TASP1: variants seen among roughly 807,000 people sequenced by gnomAD.
The protein encoded by TASP1 is threonine aspartase 1.
Under a neutral mutation model 56.6 loss-of-function variants are expected in TASP1, and 16 were observed. The ratio of observed to expected loss-of-function variants is 0.28; its 90% CI spans 0.19 to 0.43. The LOEUF (loss-of-function observed/expected upper bound fraction) is 0.43. TASP1 is among the 20% of genes least tolerant of loss of function. TASP1 has a pLI of 1.00. For synonymous variants in TASP1, 179 were observed against 184.2 expected, an observed-to-expected ratio of 0.97 and a Z score of 0.23; for missense variants, 393 against 511.6, an observed-to-expected ratio of 0.77 and a Z score of 2.24.
At chr20:13,295,505 C>G in the TASP1 span, among the ~76,000 whole-genome samples, 1 of 152,186 alleles carries the variant, frequency 6.6e-6, no homozygotes, top group African/African-American at 2.4e-5. Context: ...ACAATGAATG[C>G]TACCTGGAGA....
chr20:13,232,774 C>A, the TASP1 span, among the ~76,000 whole-genome samples: 1 of 152,172 alleles, frequency 6.6e-6, no homozygotes, highest in African/African-American at 2.4e-5. Context: ...TGGAAAACTT[C>A]ACAGCATTTG....
intron 11 of TASP1, among the ~76,000 whole-genome samples, chr20:13,465,776 T>A (rs1347163568): frequency 2.4e-5 from 3 of 123,678 alleles, no homozygotes; most frequent in Admixed American, 1.2e-4. Context: ...ATAACATTTT[T>A]GAAATGACAA....
chr20:13,264,576 C>T, the TASP1 span, among the ~76,000 whole-genome samples: 1 of 152,182 alleles, frequency 6.6e-6, no homozygotes, highest in Non-Finnish European at 1.5e-5. Flanking sequence ...ATTCATCTGC[C>T]TGTGTCAAAT....
the TASP1 span, among the ~76,000 whole-genome samples, chr20:13,118,287 CA>C: frequency 2.0e-5 from 3 of 151,066 alleles, no homozygotes; most frequent in Admixed American, 6.6e-5. Flanking sequence ...ATATTCTCTG[CA>C]AAAAAAATTC....
At chr20:13,584,532 TAAAAAG>T (rs5840570) in intron 5 of TASP1, among the ~76,000 whole-genome samples, 66,374 of 151,290 alleles carry the variant, frequency 0.44, 14,895 homozygotes, top group South Asian at 0.55. Flanking sequence ...TAAAACTAAT[TAAAAAG>T]AAAGGATATA....
chr20:13,549,906 T>G (rs2045922634), intron 8 of TASP1, among the ~76,000 whole-genome samples: 1 of 152,138 alleles, frequency 6.6e-6, no homozygotes, highest in Admixed American at 6.6e-5. Flanking sequence ...TGTCAACTTA[T>G]AACAAATATT....
intron 9 of TASP1, 131 bp downstream of exon 9, chr20:13,533,891 T>C (rs1324532474): frequency 3.7e-6 from 4 of 1,074,516 alleles, no homozygotes; most frequent in Non-Finnish European, 5.4e-6. Flanking sequence ...TGATGATTTA[T>C]ACTACATGTT....
chr20:13,492,755 C>T (rs2043581627), intron 10 of TASP1, among the ~76,000 whole-genome samples: 1 of 152,242 alleles, frequency 6.6e-6, no homozygotes, highest in African/African-American at 2.4e-5. Context: ...GTATCAAAAA[C>T]AACTCAGGCT....
intron 1 of TASP1, among the ~76,000 whole-genome samples, chr20:13,633,539 G>C (rs960846744): frequency 6.6e-6 from 1 of 152,134 alleles, no homozygotes; most frequent in African/African-American, 2.4e-5. Flanking sequence ...GGATGCATAA[G>C]CTACAGGGAA....
At chr20:13,612,665 T>A (rs182506651) in intron 4 of TASP1, among the ~76,000 whole-genome samples, 1 of 152,110 alleles carries the variant, frequency 6.6e-6, no homozygotes, top group African/African-American at 2.4e-5. Context: ...AGCCCCCACA[T>A]AGGGAAAAGT....
At chr20:13,538,456 A>G (rs933673891) in intron 8 of TASP1, among the ~76,000 whole-genome samples, 5 of 152,250 alleles carry the variant, frequency 3.3e-5, no homozygotes, top group African/African-American at 1.2e-4. Context: ...AATGATAAAG[A>G]CACAAATGCA....
chr20:13,319,161 G>A, the TASP1 span, among the ~76,000 whole-genome samples: 10 of 151,764 alleles, frequency 6.6e-5, no homozygotes, highest in South Asian at 1.0e-3. Context: ...GTTCAATTTC[G>A]TTATGAAACT....
the TASP1 span, among the ~76,000 whole-genome samples, chr20:13,369,788 A>G: frequency 1.3e-5 from 2 of 152,256 alleles, no homozygotes; most frequent in Non-Finnish European, 2.9e-5. Flanking sequence ...GATCAAGTCA[A>G]CTAATGAAAT....
the TASP1 span, among the ~76,000 whole-genome samples, chr20:13,355,968 T>G: frequency 6.6e-6 from 1 of 152,232 alleles, no homozygotes; most frequent in African/African-American, 2.4e-5. Context: ...CAAACTTTCT[T>G]GTAACTCAAC....
chr20:13,200,021 A>G, the TASP1 span, among the ~76,000 whole-genome samples: 4 of 152,236 alleles, frequency 2.6e-5, no homozygotes, highest in African/African-American at 9.6e-5. Flanking sequence ...TTCCAAATAG[A>G]TAAAGTCACA....
At chr20:13,513,720 C>T (rs2044423989) in intron 10 of TASP1, among the ~76,000 whole-genome samples, 1 of 152,052 alleles carries the variant, frequency 6.6e-6, no homozygotes, top group African/African-American at 2.4e-5. Context: ...TAGTGAGTGG[C>T]TGAAAACTGT....
At chr20:13,154,779 A>T in the TASP1 span, among the ~76,000 whole-genome samples, 2 of 152,354 alleles carry the variant, frequency 1.3e-5, no homozygotes, top group South Asian at 4.1e-4. Flanking sequence ...CAACTGCATA[A>T]AGAGGAAAAC....
the TASP1 span, among the ~76,000 whole-genome samples, chr20:13,264,481 A>T: frequency 6.6e-6 from 1 of 152,146 alleles, no homozygotes; most frequent in African/African-American, 2.4e-5. Context: ...TCATTTCCAT[A>T]GCTTTATCTT....
chr20:13,397,744 G>C (rs999441211), intron 13 of TASP1, among the ~76,000 whole-genome samples: 18 of 152,204 alleles, frequency 1.2e-4, no homozygotes, highest in African/African-American at 4.3e-4. Flanking sequence ...ATAGTTTCTG[G>C]ATCGGGAAAT....
Sources: allele counts gnomAD v4.1 joint callset (sites outside exome capture counted in the v4.1 genomes callset), GRCh38; gene constraint gnomAD v4.1.1; transcripts MANE v1.5; gene names NCBI Gene and HGNC (gene_info 2026-07-23, HGNC 2026-07-21).